Variants in NPLOC4 observed in about 807,000 individuals in gnomAD.
NPLOC4 encodes nuclear protein localization protein 4 homolog.
A neutral mutation model predicts 80.6 loss-of-function variants in NPLOC4; 18 were observed. That is an observed-to-expected ratio of 0.22 (90% CI 0.15 to 0.33). The LOEUF is 0.33. Ranked by LOEUF, NPLOC4 falls within the 10% of genes least tolerant of loss-of-function variation. The pLI is 1.00. For synonymous variants in NPLOC4, 313 were observed against 301.5 expected, an observed-to-expected ratio of 1.04 and a Z score of -0.39; for missense variants, 540 against 786.1, an observed-to-expected ratio of 0.69 and a Z score of 3.74.
chr17:81,572,134 G>T lies in NPLOC4; in HGVS notation c.1282-46C>A. On this transcript the variant is annotated intron_variant, in intron 12 of 16. Coordinates refer to ENST00000331134, the MANE Select transcript of NPLOC4 (RefSeq NM_017921.4). The surrounding 1 kb of genome is among the most constrained non-coding windows in gnomAD (Gnocchi z 4.5). ...CAGCGGTGAGCAAAGACGATCAGTAGTAATGATTTTCCTTTCACATGCTTG... is the reference window on the plus strand; with the variant it reads ...CAGCGGTGAGCAAAGACGATCAGTATTAATGATTTTCCTTTCACATGCTTG... The T allele has an allele frequency of 1.6e-6, 2 of 1,263,612 alleles. No individual in the cohort carries two copies. Among genetic ancestry groups the T allele is most frequent in the Non-Finnish European group, 2.2e-6 (2 of 911,112 alleles). 78.3% of individuals were successfully genotyped at this position (1,263,612 alleles called of 1,614,324 possible).
At chr17:81,602,608 A>T (rs1333483823) in intron 8 of NPLOC4, among the ~76,000 whole-genome samples, 3 of 151,924 alleles carry the variant, frequency 2.0e-5, no homozygotes, top group African/African-American at 4.8e-5. Context: ...AGGCTGAGGC[A>T]GGAGAATCAC....
intron 2 of NPLOC4, among the ~76,000 whole-genome samples, chr17:81,625,249 A>C (rs568701419): frequency 4.6e-5 from 7 of 152,294 alleles, no homozygotes; most frequent in Non-Finnish European, 8.8e-5. Flanking sequence ...GGGACCATGA[A>C]AGGAAAGGCT....
chr17:81,589,189 C>A, intron 11 of NPLOC4, 85 bp from the exon 12 acceptor site: 1 of 1,200,926 alleles, frequency 8.3e-7, no homozygotes, highest in Non-Finnish European at 1.2e-6. Flanking sequence ...CTCTGATCAA[C>A]AGAAAAAACA....
chr17:81,589,397 CG>C (rs1342573142), intron 11 of NPLOC4, among the ~76,000 whole-genome samples: 5 of 151,942 alleles, frequency 3.3e-5, no homozygotes, highest in Non-Finnish European at 7.4e-5. Flanking sequence ...GGTGCGGTGG[CG>C]GGCGCCTGTA....
intron 16 of NPLOC4, chr17:81,563,552 A>T (rs2033915957): frequency 4.8e-6 from 1 of 207,514 alleles, no homozygotes; most frequent in African/African-American, 2.4e-5. Context: ...CCTAGGCAAC[A>T]GAGTGAAACC....
intron 3 of NPLOC4, among the ~76,000 whole-genome samples, chr17:81,615,844 C>A (rs576621303): frequency 1.3e-5 from 2 of 152,268 alleles, no homozygotes; most frequent in African/African-American, 4.8e-5. Flanking sequence ...GCAAAAAAAA[C>A]CAACAAAGTC....
intron 13 of NPLOC4, among the ~76,000 whole-genome samples, chr17:81,571,664 G>A (rs113626478): frequency 6.6e-6 from 1 of 152,204 alleles, no homozygotes; most frequent in African/African-American, 2.4e-5. Flanking sequence ...TTGATGCTCC[G>A]GTGACTGGAG....
At chr17:81,603,959 T>C (rs115386702) in intron 8 of NPLOC4, among the ~76,000 whole-genome samples, 2,133 of 152,182 alleles carry the variant, frequency 0.014, 60 homozygotes, top group African/African-American at 0.048. Context: ...AAACCAGAAA[T>C]ACAATGTGTA....
intron 16 of NPLOC4, 93 bp from the exon 17 acceptor site, chr17:81,559,509 G>A (rs1390019181): frequency 2.7e-5 from 38 of 1,391,198 alleles, no homozygotes; most frequent in Non-Finnish European, 3.4e-5. Flanking sequence ...GCAGCTGAGA[G>A]CTCCCCGCCC....
At chr17:81,616,894 G>C (rs1465570149) in intron 3 of NPLOC4, among the ~76,000 whole-genome samples, 3 of 152,194 alleles carry the variant, frequency 2.0e-5, no homozygotes, top group African/African-American at 7.2e-5. Flanking sequence ...AAGAGGGTGA[G>C]TGACAGAGGC....
At chr17:81,608,272 G>A (rs1234542742) in intron 6 of NPLOC4, among the ~76,000 whole-genome samples, 1 of 152,238 alleles carries the variant, frequency 6.6e-6, no homozygotes, top group East Asian at 1.9e-4. Context: ...AGCAGAGAAT[G>A]AACTCAGACC....
rs574809768 is a variant in NPLOC4 at position 81,558,980 on chromosome 17, C to A, written c.*279G>T. Reference sequence around the variant, plus strand: ...ACGTAGAGGCGAGAGGTCTTTCCAACACGGCGGGGGACTTGTCAACAGGAT... The same window carrying A: ...ACGTAGAGGCGAGAGGTCTTTCCAAAACGGCGGGGGACTTGTCAACAGGAT... On this transcript the variant is annotated 3_prime_UTR_variant, in exon 17 of 17. Transcript: ENST00000331134. The A allele has an allele frequency of 8.9e-5, 32 of 360,964 alleles. No individual in the cohort carries two copies. Among genetic ancestry groups the A allele is most frequent in the African/African-American group, 5.9e-4 (28 of 47,748 alleles). The allele number at this position is 360,964 out of a possible 1,614,324, so 22.4% of individuals were successfully genotyped here. A position where few individuals can be genotyped will look rare whatever the true frequency, so the allele number is the denominator to read the frequency against.
intron 4 of NPLOC4, among the ~76,000 whole-genome samples, chr17:81,611,504 C>CT (rs2035338232): frequency 6.6e-6 from 1 of 151,416 alleles, no homozygotes. Flanking sequence ...TGCACACCAC[C>CT]ATGCCTGGCT....
In NPLOC4 at chr17:81,636,732, G is replaced by T. The variant is rs572772731; in HGVS notation, c.15+184C>A. On this transcript the variant is annotated intron_variant, in intron 1 of 16. Transcript: ENST00000331134. ...AAGTCCCCTGGGGAGGGACACGGAC[G>T]GGAAGCAGCCGAGGGGGGTGAAAGT... Among the ~76,000 whole-genome samples, 3 of 152,216 alleles carry T rather than the reference G, an allele frequency of 2.0e-5. No homozygotes were observed. The East Asian group carries it at 5.8e-4, about 29-fold the overall frequency.
At chr17:81,593,294 G>C (rs1415366136) in intron 11 of NPLOC4, among the ~76,000 whole-genome samples, 1 of 152,072 alleles carries the variant, frequency 6.6e-6, no homozygotes, top group Non-Finnish European at 1.5e-5. Context: ...AGCCTCTCAG[G>C]AAGCCATGTT....
intron 12 of NPLOC4, among the ~76,000 whole-genome samples, chr17:81,573,833 T>C (rs2144069418): frequency 6.6e-6 from 1 of 152,334 alleles, no homozygotes; most frequent in African/African-American, 2.4e-5. Context: ...CATCAAAGGC[T>C]ACATTCCTGC....
At chr17:81,571,644 A>C (rs1013862058) in intron 13 of NPLOC4, among the ~76,000 whole-genome samples, 2 of 152,176 alleles carry the variant, frequency 1.3e-5, no homozygotes, top group Non-Finnish European at 2.9e-5. Flanking sequence ...GCACATCTGG[A>C]CAAGACTGCT....
chr17:81,598,909 C>T lies in NPLOC4; in HGVS notation c.921+1432G>A, dbSNP rs148643690. 1.8e-3 allele frequency among the ~76,000 whole-genome samples: 276 copies of T among 152,242 alleles called. 2 individuals carry two copies. The highest frequency in any genetic ancestry group is 6.5e-3 in the African/African-American group (268 of 41,524). On this transcript the variant is annotated intron_variant, in intron 9 of 16. Transcript: ENST00000331134. ...ATGAATGAAAAACCCAAGGTGGTGG[C>T]AACAGAGAAAATGAAACTTAAAGGG...
At chr17:81,598,173 G>A (rs981518736) in intron 9 of NPLOC4, among the ~76,000 whole-genome samples, 1 of 151,740 alleles carries the variant, frequency 6.6e-6, no homozygotes, top group Non-Finnish European at 1.5e-5. Context: ...AATGTTCTCA[G>A]TCAGAAACTC....
Sources: gnomAD v4.1 joint callset for allele counts (sites outside exome capture counted in the v4.1 genomes callset) on GRCh38, gnomAD v4.1.1 for gene constraint, Gnocchi (gnomAD v3.1) non-coding constraint, MANE v1.5 for transcripts, NCBI Gene and HGNC (gene_info 2026-07-23, HGNC 2026-07-21) for gene names.